FUT8: variants seen among roughly 807,000 people sequenced by gnomAD.
FUT8 encodes fucosyltransferase 8.
In FUT8, 29 loss-of-function variants were observed where a neutral mutation model predicts 71.3. The observed-to-expected ratio is 0.41, with a 90% confidence interval of 0.30 to 0.55. The LOEUF (loss-of-function observed/expected upper bound fraction) is 0.55. FUT8 is among the 20% of genes least tolerant of loss of function. The pLI is 0.34. For synonymous variants in FUT8, 254 were observed against 239.3 expected (o/e 1.06, Z -0.57); for missense variants, 544 against 702.1 (o/e 0.77, Z 2.55).
At chr14:65,576,994 C>T (rs1405771277) in intron 3 of FUT8, among the ~76,000 whole-genome samples, 1 of 151,768 alleles carries the variant, frequency 6.6e-6, no homozygotes, top group Non-Finnish European at 1.5e-5. Context: ...TGAGCCACCA[C>T]GCCTGGCCTA....
At chr14:65,462,619 G>A (rs1193612878) in intron 2 of FUT8, among the ~76,000 whole-genome samples, 1 of 152,154 alleles carries the variant, frequency 6.6e-6, no homozygotes, top group Admixed American at 6.5e-5. Flanking sequence ...TTTTCTTTGC[G>A]TTTTAAATAG....
chr14:65,698,760 G>A (rs1241206782), intron 7 of FUT8, among the ~76,000 whole-genome samples: 4 of 152,012 alleles, frequency 2.6e-5, no homozygotes, highest in Non-Finnish European at 4.4e-5. Flanking sequence ...TGTTAGGTAC[G>A]GCACGTTATA....
At chr14:65,615,917 GC>G (rs1372425775) in intron 3 of FUT8, 60 bp from the exon 4 acceptor site, 1 of 1,147,528 alleles carries the variant, frequency 8.7e-7, no homozygotes, top group African/African-American at 1.6e-5. Flanking sequence ...TAGAAAGTGA[GC>G]TTGTATTTTG....
upstream of FUT8, chr14:65,411,929 C>T (rs1050013668): frequency 4.7e-6 from 2 of 429,128 alleles, no homozygotes; most frequent in Non-Finnish European, 9.3e-6. Context: ...CTGGGCTGCT[C>T]TGGGGCAGCC....
chr14:65,417,854 A>T (rs2065240711), intron 1 of FUT8, among the ~76,000 whole-genome samples: 2 of 152,294 alleles, frequency 1.3e-5, no homozygotes, highest in South Asian at 2.1e-4. Context: ...ACTTTTAAAG[A>T]TCACTACGAA....
At chr14:65,448,279 T>A (rs1164853876) in intron 1 of FUT8, among the ~76,000 whole-genome samples, 2 of 152,008 alleles carry the variant, frequency 1.3e-5, no homozygotes, top group Non-Finnish European at 2.9e-5. Context: ...AAAGCTTTGG[T>A]CATGAGTAAG....
At chr14:65,527,378 T>C (rs893272907) in intron 2 of FUT8, among the ~76,000 whole-genome samples, 1 of 152,164 alleles carries the variant, frequency 6.6e-6, no homozygotes, top group Non-Finnish European at 1.5e-5. Flanking sequence ...CTTGTGCATG[T>C]GTCATGTAGT....
chr14:65,732,109 C>A (rs892943339), intron 9 of FUT8, among the ~76,000 whole-genome samples: 3 of 152,148 alleles, frequency 2.0e-5, no homozygotes, highest in African/African-American at 7.2e-5. Context: ...TTTTCTTCAT[C>A]TCCTTGATTT....
rs73268577 is a variant in FUT8 at position 65,687,420 on chromosome 14, G to A, written c.835+17940G>A. 9.4e-3 allele frequency among the ~76,000 whole-genome samples: 1,428 copies of A among 152,164 alleles called. 22 individuals carry two copies. Among genetic ancestry groups the A allele is most frequent in the African/African-American group, 0.033 (1,359 of 41,524 alleles). On this transcript the variant is annotated intron_variant, in intron 7 of 10. Transcript: ENST00000673929. ...GATTTAATTACATTTGTATCATATT[G>A]TCATTTTGGTGATGCCAAATCTGTT...
At chr14:65,492,017 T>G (rs372340254) in intron 2 of FUT8, among the ~76,000 whole-genome samples, 3 of 152,158 alleles carry the variant, frequency 2.0e-5, no homozygotes, top group Non-Finnish European at 2.9e-5. Flanking sequence ...ATTTTGCTTA[T>G]GAAGACATTA....
intron 3 of FUT8, among the ~76,000 whole-genome samples, chr14:65,594,429 G>T (rs1480944434): frequency 6.6e-6 from 1 of 152,188 alleles, no homozygotes; most frequent in Non-Finnish European, 1.5e-5. Context: ...AAGGCCCCAG[G>T]GGGTATGTTG....
rs569346121 is a variant in FUT8, at chr14:65,721,141, C to CT, written c.836-628dup. On this transcript the variant is annotated intron_variant, in intron 7 of 10. Coordinates refer to ENST00000673929, the MANE Select transcript of FUT8 (RefSeq NM_001371533.1). ...CTGATTTTTGGTTCTTGTGAAGGTG[C>CT]TTTTTTGTGTAGATAGTTGTTAAAT... Among the ~76,000 whole-genome samples the CT allele has an allele frequency of 2.6e-5, 4 of 151,656 alleles. No individual in the cohort carries two copies. In the South Asian group the frequency reaches 6.3e-4, roughly 24 times the overall value.
rs148795370 is a variant in FUT8, at chr14:65,460,900, G to A, written c.-228+5182G>A. On this transcript the variant is annotated intron_variant, in intron 2 of 10. Coordinates refer to ENST00000673929, the MANE Select transcript of FUT8 (RefSeq NM_001371533.1). ...GTTGATGGGTCTTTCCAGAAGGTCT[G>A]TAATGAACAATCACATTATATTTCT... Among the ~76,000 whole-genome samples, 46 of 152,288 alleles carry A rather than the reference G, an allele frequency of 3.0e-4. 1 individual carries two copies. In the East Asian group the frequency reaches 6.0e-3, roughly 20 times the overall value.
intron 10 of FUT8, among the ~76,000 whole-genome samples, chr14:65,736,610 A>G (rs1566924450): frequency 6.6e-6 from 1 of 152,168 alleles, no homozygotes; most frequent in South Asian, 2.1e-4. Context: ...AGGTGAGTGA[A>G]GACTTAGTAT....
intron 2 of FUT8, among the ~76,000 whole-genome samples, chr14:65,539,715 A>T (rs1884564014): frequency 6.6e-6 from 1 of 152,228 alleles, no homozygotes; most frequent in African/African-American, 2.4e-5. Flanking sequence ...GGCCTGAATG[A>T]ATAAAATAAG....
chr14:65,414,340 A>G (rs901584759), intron 1 of FUT8, among the ~76,000 whole-genome samples: 1 of 151,896 alleles, frequency 6.6e-6, no homozygotes, highest in Non-Finnish European at 1.5e-5. Flanking sequence ...TTTACATTCT[A>G]TGTTTTATGA....
chr14:65,693,988 A>G (rs1172955766), intron 7 of FUT8, among the ~76,000 whole-genome samples: 1 of 152,218 alleles, frequency 6.6e-6, no homozygotes, highest in Non-Finnish European at 1.5e-5. Flanking sequence ...TGTTATCCAT[A>G]ATATTCCTTT....
Position 65,643,130 on chromosome 14 carries a change from A to T in FUT8, c.597+13524A>T, listed in dbSNP as rs561475508. Among the ~76,000 whole-genome samples the T allele has an allele frequency of 1.3e-5, 2 of 152,308 alleles. No homozygotes were observed. Among genetic ancestry groups the T allele is most frequent in the South Asian group, 4.1e-4 (2 of 4,824 alleles). On this transcript the variant is annotated intron_variant, in intron 6 of 10. Transcript: ENST00000673929. This position sits in a 1 kb window ranked among gnomAD's most constrained non-coding sequence, Gnocchi z 4.5. ...TTTCAGCTTTTAGGTTTTCTTAGCA[A>T]GAGTTTTAAAATATTTTGAGATTCC...
chr14:65,413,510 G>A lies in FUT8; in HGVS notation c.-326+296G>A, dbSNP rs1174989614. 6.6e-6 allele frequency among the ~76,000 whole-genome samples: 1 copy of A among 152,112 alleles called. No homozygotes were observed. Among genetic ancestry groups the A allele is most frequent in the Non-Finnish European group, 1.5e-5 (1 of 67,978 alleles). On this transcript the variant is annotated intron_variant, in intron 1 of 10. Transcript: ENST00000673929. The surrounding 1 kb of genome is among the most constrained non-coding windows in gnomAD (Gnocchi z 4.1). The stretch of plus-strand genomic sequence containing the variant: ...CCTCGGCGTCGCGCATCCTTGCCTA[G>A]GGCAGGGGCCAAAGCCTAGGGAAGG...
Sources: allele counts gnomAD v4.1 joint callset (sites outside exome capture counted in the v4.1 genomes callset), GRCh38; gene constraint gnomAD v4.1.1; non-coding constraint Gnocchi (gnomAD v3.1); transcripts MANE v1.5; gene names NCBI Gene and HGNC (gene_info 2026-07-23, HGNC 2026-07-21).